PRDM1: variants seen among roughly 807,000 people sequenced by gnomAD.
PRDM1 encodes the protein PR domain zinc finger protein 1.
In PRDM1, 13 loss-of-function variants were observed where a neutral mutation model predicts 62.8. The observed-to-expected ratio is 0.21, with a 90% confidence interval of 0.13 to 0.33. The LOEUF (loss-of-function observed/expected upper bound fraction) is 0.33. Among genes scored for constraint, PRDM1 ranks in the 10% least tolerant of loss-of-function variants. The pLI is 1.00. For missense variants in PRDM1, 895 were observed against 1,058.8 expected (o/e 0.85, Z 2.15); for synonymous variants, 396 against 417.6 (o/e 0.95, Z 0.63).
chr6:106,045,820 T>C (rs944134587), upstream of PRDM1: 7 of 152,216 alleles, frequency 4.6e-5, no homozygotes, highest in African/African-American at 1.7e-4. Flanking sequence ...TAAAACTCAA[T>C]GTAGAGTTTT....
At chr6:106,008,950 T>G (rs1371579300) in intron 1 of PRDM1, among the ~76,000 whole-genome samples, 1 of 152,068 alleles carries the variant, frequency 6.6e-6, no homozygotes, top group African/African-American at 2.4e-5. Context: ...CAGACTATAG[T>G]CTTCCCGCAG....
At chr6:106,008,894 C>T (rs1051843494) in intron 1 of PRDM1, among the ~76,000 whole-genome samples, 1 of 152,162 alleles carries the variant, frequency 6.6e-6, no homozygotes. Flanking sequence ...TCTACTCCTT[C>T]GACTCTACCT....
At position 106,105,323 on chromosome 6, in the gene PRDM1, C is replaced by G. The variant is rs1774434098; in HGVS notation, c.1163C>G (p.Ser388Cys). The G allele has an allele frequency of 1.2e-6, 2 of 1,612,850 alleles. No homozygotes were observed. The highest frequency in any genetic ancestry group is 2.7e-5 in the African/African-American group (2 of 74,908). The change falls in exon 5 of 7, where the codon TCC becomes TGC. Residue 388 changes from serine to cysteine, a missense_variant. Physicochemically the swap from Ser to Cys is moderately radical, Grantham distance 112. Around this residue, in one of 4 missense-constraint regions of PRDM1, gnomAD observed 444 missense variants for 422.7 expected, o/e 1.05. Transcript: ENST00000369096. ...NASYGTEGLG[S>C]YPGYAPLPHL... ...TCCTACGGCACGGAAGGTTTGGGCT[C>G]CTACCCTGGCTACGCACCCCTGCCC...
At position 106,107,514 on chromosome 6, in the gene PRDM1, CTTAAG is replaced by C. The variant is rs767742854; in HGVS notation, c.*32_*36del. On this transcript the variant is annotated 3_prime_UTR_variant, in exon 7 of 7. Coordinates refer to ENST00000369096, the MANE Select transcript of PRDM1 (RefSeq NM_001198.4). ...TTTTCAGAAAACACTTATTTTGTTT[CTTAAG>C]TTATGACTTGGTGAGTCAGGGTGCC... The C allele has an allele frequency of 1.0e-5, 16 of 1,559,696 alleles. No homozygotes were observed. Among genetic ancestry groups the C allele is most frequent in the Non-Finnish European group, 1.4e-5 (16 of 1,150,194 alleles).
intron 1 of PRDM1, among the ~76,000 whole-genome samples, chr6:106,019,253 CAAAAAAAAAAAAA>C (rs55704256): frequency 4.3e-5 from 3 of 69,654 alleles, no homozygotes; most frequent in Non-Finnish European, 5.0e-5. Context: ...GACTCCATCT[CAAAAAAAAAAAAA>C]AAAAAAAAAA....
intron 1 of PRDM1, among the ~76,000 whole-genome samples, chr6:106,086,840 T>C (rs1213329180): frequency 2.0e-5 from 3 of 152,198 alleles, no homozygotes; most frequent in Non-Finnish European, 4.4e-5. Flanking sequence ...CTCACACTCG[T>C]CAAACTATTC....
At chr6:106,012,339 CACAA>C (rs1465932922) in intron 1 of PRDM1, among the ~76,000 whole-genome samples, 1 of 151,376 alleles carries the variant, frequency 6.6e-6, no homozygotes, top group Admixed American at 6.6e-5. Flanking sequence ...ACCACACACA[CACAA>C]ACATACCACA....
At position 106,099,564 on chromosome 6, in the gene PRDM1, A is replaced by G; in HGVS notation, c.664+12A>G. 6.2e-7 allele frequency: 1 copy of G among 1,612,276 alleles called. No homozygotes were observed. ...AATGATGAATCTCAGTAAGTGGATT[A>G]CAGAACAAAAAAATAAAAAATGCCA... On this transcript the variant is annotated intron_variant, in intron 4 of 6. Transcript: ENST00000369096.
chr6:106,017,858 G>C (rs965995563), intron 1 of PRDM1, among the ~76,000 whole-genome samples: 2 of 152,174 alleles, frequency 1.3e-5, no homozygotes, highest in Middle Eastern at 3.2e-3. Flanking sequence ...AAAGCCTGGG[G>C]TGGGCTGAGG....
intron 2 of PRDM1, among the ~76,000 whole-genome samples, chr6:106,089,663 A>G (rs1413569889): frequency 1.3e-5 from 2 of 152,206 alleles, no homozygotes; most frequent in Non-Finnish European, 2.9e-5. Context: ...TTGTAGTTGA[A>G]TGTTACCAAA....
chr6:106,099,821 A>G, intron 4 of PRDM1: 1 of 445,562 alleles, frequency 2.2e-6, no homozygotes, highest in Admixed American at 3.9e-5. Context: ...GTCCAATTCT[A>G]ATTTATCCAA....
chr6:106,018,028 A>T (rs1772645005), intron 1 of PRDM1, among the ~76,000 whole-genome samples: 1 of 152,210 alleles, frequency 6.6e-6, no homozygotes, highest in African/African-American at 2.4e-5. Context: ...AAATTAACAG[A>T]TGAGATTGCT....
At chr6:106,038,434 C>T (rs1772951922) in intron 1 of PRDM1, among the ~76,000 whole-genome samples, 1 of 152,262 alleles carries the variant, frequency 6.6e-6, no homozygotes, top group South Asian at 2.1e-4. Flanking sequence ...TGTAAATTTA[C>T]TCCTTCTATG....
chr6:106,107,668 G>T lies in PRDM1; in HGVS notation c.*182G>T. Reference sequence around the variant, plus strand: ...TACTGAAATCTCAGGGCATGAACAAGGCAAAGGCCATATATATATATATAT... The same window carrying T: ...TACTGAAATCTCAGGGCATGAACAATGCAAAGGCCATATATATATATATAT... On this transcript the variant is annotated 3_prime_UTR_variant, in exon 7 of 7. Transcript: ENST00000369096. 1 of 283,386 alleles carries T rather than the reference G, an allele frequency of 3.5e-6. No homozygotes were observed. Among genetic ancestry groups the T allele is most frequent in the Non-Finnish European group, 6.0e-6 (1 of 166,320 alleles). The allele number at this position is 283,386 out of a possible 1,614,324, so 17.6% of individuals were successfully genotyped here.
intron 1 of PRDM1, among the ~76,000 whole-genome samples, chr6:106,002,864 C>G (rs541820423): frequency 2.0e-5 from 3 of 152,268 alleles, no homozygotes; most frequent in African/African-American, 7.2e-5. Flanking sequence ...CTTCACTTGA[C>G]CAGCTTCCTC....
At chr6:106,034,427 A>G (rs1389736722) in intron 1 of PRDM1, among the ~76,000 whole-genome samples, 3 of 151,908 alleles carry the variant, frequency 2.0e-5, no homozygotes, top group Admixed American at 6.6e-5. Context: ...GCTGCATCCC[A>G]TAAGTTTTTG....
At chr6:106,030,154 G>A (rs534008202) in intron 1 of PRDM1, among the ~76,000 whole-genome samples, 1 of 152,090 alleles carries the variant, frequency 6.6e-6, no homozygotes, top group African/African-American at 2.4e-5. Flanking sequence ...CCTAGTCTGT[G>A]GCTTGCCATT....
chr6:105,995,776 T>C lies in PRDM1; in HGVS notation c.-67+2137T>C, dbSNP rs150187818. On this transcript the variant is annotated intron_variant, in intron 1 of 6. Coordinates refer to the PRDM1 transcript ENST00000652320. The stretch of plus-strand genomic sequence containing the variant: ...TTGGTTCTTTAATTAGGAGGCACAA[T>C]GAAGTTTCTAACAGATGTTGTCAGC... Among the ~76,000 whole-genome samples the C allele has an allele frequency of 1.3e-3, 202 of 152,276 alleles. 4 individuals are homozygous for C. Among genetic ancestry groups the C allele is most frequent in the African/African-American group, 4.7e-3 (196 of 41,556 alleles).
At chr6:106,042,912 G>A (rs979361182) in intron 1 of PRDM1, among the ~76,000 whole-genome samples, 6 of 152,018 alleles carry the variant, frequency 3.9e-5, no homozygotes, top group Admixed American at 3.3e-4. Context: ...ATGCAATGGC[G>A]CATTCTCGGC....
Sources: allele counts gnomAD v4.1 joint callset (sites outside exome capture counted in the v4.1 genomes callset), GRCh38; gene constraint gnomAD v4.1.1; regional missense constraint gnomAD v4.1.1; transcripts MANE v1.5; gene names NCBI Gene and HGNC (gene_info 2026-07-23, HGNC 2026-07-21).